Variants in SLC44A1 observed in about 807,000 individuals in gnomAD.
The protein encoded by SLC44A1 is solute carrier family 44 member 1.
Under a neutral mutation model 79.3 loss-of-function variants are expected in SLC44A1, and 26 were observed. The ratio of observed to expected loss-of-function variants is 0.33; its 90% CI spans 0.24 to 0.46. The LOEUF (loss-of-function observed/expected upper bound fraction) is 0.46. Ranked by LOEUF, SLC44A1 falls within the 20% of genes least tolerant of loss-of-function variation. SLC44A1 has a pLI of 1.00. For synonymous variants in SLC44A1, 263 were observed against 286.2 expected (o/e 0.92, Z 0.82); for missense variants, 688 against 798.1 (o/e 0.86, Z 1.66).
chr9:105,248,074 A>G (rs1829499918), intron 1 of SLC44A1, among the ~76,000 whole-genome samples: 1 of 152,208 alleles, frequency 6.6e-6, no homozygotes, highest in Non-Finnish European at 1.5e-5. Flanking sequence ...CTTGTCTGCA[A>G]ACTCTAATGA....
At chr9:105,379,468 T>A (rs1828395159) in intron 13 of SLC44A1, among the ~76,000 whole-genome samples, 1 of 152,192 alleles carries the variant, frequency 6.6e-6, no homozygotes, top group African/African-American at 2.4e-5. Flanking sequence ...TTTTACAAGA[T>A]GTTATCATTG....
chr9:105,286,159 T>G (rs894503081), intron 1 of SLC44A1, among the ~76,000 whole-genome samples: 17 of 152,234 alleles, frequency 1.1e-4, no homozygotes, highest in African/African-American at 3.9e-4. Context: ...GTATTTTTAC[T>G]GCAATTCTTA....
intron 15 of SLC44A1, among the ~76,000 whole-genome samples, chr9:105,422,393 A>C (rs1014026453): frequency 1.3e-5 from 2 of 150,662 alleles, no homozygotes; most frequent in Non-Finnish European, 2.9e-5. Context: ...GGTTCAAGCA[A>C]TTCTCCTGCC....
At chr9:105,357,385 CTT>C (rs543072452) in intron 6 of SLC44A1, 207 of 152,184 alleles carry the variant, frequency 1.4e-3, no homozygotes, top group African/African-American at 4.8e-3. Flanking sequence ...ATAGTTAAAA[CTT>C]TAACCAAAAA....
chr9:105,426,479 G>T (rs1377262593), intron 15 of SLC44A1, among the ~76,000 whole-genome samples: 1 of 152,048 alleles, frequency 6.6e-6, no homozygotes, highest in Non-Finnish European at 1.5e-5. Flanking sequence ...CTATTTCTTT[G>T]CATCTACTTA....
intron 3 of SLC44A1, among the ~76,000 whole-genome samples, chr9:105,327,967 C>A (rs984267224): frequency 1.3e-5 from 2 of 151,980 alleles, no homozygotes; most frequent in Admixed American, 6.6e-5. Context: ...CTTATTTAGG[C>A]CTACACCTGG....
chr9:105,390,827 T>C lies in SLC44A1; in HGVS notation c.*1771T>C. Reference sequence around the variant, plus strand: ...TAAGAGCTCATGTCTTAGCAAGATCTGGGAAACCAACATTGCGAGAGTAGC... The same window carrying C: ...TAAGAGCTCATGTCTTAGCAAGATCCGGGAAACCAACATTGCGAGAGTAGC... On this transcript the variant is annotated 3_prime_UTR_variant, in exon 16 of 16. Coordinates refer to ENST00000374720, the MANE Select transcript of SLC44A1 (RefSeq NM_080546.5). 3 of 985,776 alleles carry C rather than the reference T, an allele frequency of 3.0e-6. No individual in the cohort carries two copies. The highest frequency in any genetic ancestry group is 3.6e-6 in the Non-Finnish European group (3 of 829,900). 61.1% of individuals were successfully genotyped at this position (985,776 alleles called of 1,614,324 possible).
chr9:105,396,326 AAAACTT>A lies in SLC44A1; in HGVS notation c.*7271_*7276del. Reference sequence around the variant, plus strand: ...TTAACTGATTTTATTACAGGAGAAAAAAACTTTAACAAAAAGGCAGGGAGAAAAGTG... The same window carrying A: ...TTAACTGATTTTATTACAGGAGAAAATAACAAAAAGGCAGGGAGAAAAGTG... On this transcript the variant is annotated 3_prime_UTR_variant, in exon 16 of 16. Coordinates refer to ENST00000374720, the MANE Select transcript of SLC44A1 (RefSeq NM_080546.5). The A allele has an allele frequency of 1.0e-6, 1 of 985,396 alleles. No individual in the cohort carries two copies. Among genetic ancestry groups the A allele is most frequent in the Non-Finnish European group, 1.2e-6 (1 of 829,896 alleles). The allele number at this position is 985,396 out of a possible 1,614,324, so 61.0% of individuals were successfully genotyped here. A position where few individuals can be genotyped will look rare whatever the true frequency, so the allele number is the denominator to read the frequency against.
intron 3 of SLC44A1, among the ~76,000 whole-genome samples, chr9:105,333,140 C>T (rs1331528267): frequency 2.0e-5 from 3 of 152,164 alleles, no homozygotes; most frequent in Non-Finnish European, 4.4e-5. Flanking sequence ...GATACTTTTG[C>T]CCTTGGAGGA....
chr9:105,290,546 T>C (rs1307932392), intron 1 of SLC44A1, among the ~76,000 whole-genome samples: 1 of 152,244 alleles, frequency 6.6e-6, no homozygotes, highest in Non-Finnish European at 1.5e-5. Flanking sequence ...AAATATGTTA[T>C]TAGCTATGTT....
chr9:105,348,319 A>G (rs1421389591), intron 4 of SLC44A1, 39 bp from the exon 5 acceptor site: 2 of 1,097,358 alleles, frequency 1.8e-6, no homozygotes, highest in Non-Finnish European at 1.4e-6. Context: ...GAATTTTTTC[A>G]GACTGTTCTG....
intron 15 of SLC44A1, among the ~76,000 whole-genome samples, chr9:105,417,354 G>T (rs988584707): frequency 1.3e-5 from 2 of 152,142 alleles, no homozygotes; most frequent in African/African-American, 4.8e-5. Context: ...ACATGATCAG[G>T]ACCTTCCCTC....
At position 105,438,346 on chromosome 9, in the gene SLC44A1, G is replaced by C. The variant is rs1588884767; in HGVS notation, c.*51G>C. 6.1e-6 allele frequency: 9 copies of C among 1,477,106 alleles called. No homozygotes were observed. In the East Asian group the frequency reaches 2.2e-4, roughly 36 times the overall value. The allele number at this position is 1,477,106 out of a possible 1,614,324, so 91.5% of individuals were successfully genotyped here. A position where few individuals can be genotyped will look rare whatever the true frequency, so the allele number is the denominator to read the frequency against. On this transcript the variant is annotated 3_prime_UTR_variant, in exon 16 of 16. Transcript: ENST00000374724. ...AACTCAGAGGAGGTTGTTTACATGA[G>C]GTTCTCCCACTCACCAGCTGTTGAG...
intron 12 of SLC44A1, among the ~76,000 whole-genome samples, chr9:105,368,935 G>A (rs1372629762): frequency 6.6e-6 from 1 of 152,122 alleles, no homozygotes; most frequent in African/African-American, 2.4e-5. Context: ...CTACTCCGGA[G>A]GCCGAGGCAG....
chr9:105,312,825 T>C (rs1341017100), intron 3 of SLC44A1, among the ~76,000 whole-genome samples: 3 of 152,110 alleles, frequency 2.0e-5, no homozygotes, highest in African/African-American at 4.8e-5. Context: ...TGCTAGCGTA[T>C]CTATTCTTGG....
intron 1 of SLC44A1, among the ~76,000 whole-genome samples, chr9:105,277,067 G>A (rs896005772): frequency 1.3e-5 from 2 of 152,216 alleles, no homozygotes; most frequent in Admixed American, 6.5e-5. Flanking sequence ...AGAACTGATA[G>A]GACGTGGTCA....
At chr9:105,317,257 A>G (rs1471906832) in intron 3 of SLC44A1, among the ~76,000 whole-genome samples, 1 of 152,130 alleles carries the variant, frequency 6.6e-6, no homozygotes, top group African/African-American at 2.4e-5. Flanking sequence ...TTAGGGCAGC[A>G]TCTTGGTTGC....
At chr9:105,377,175 G>A (rs886823441) in intron 13 of SLC44A1, among the ~76,000 whole-genome samples, 1 of 152,080 alleles carries the variant, frequency 6.6e-6, no homozygotes, top group Non-Finnish European at 1.5e-5. Flanking sequence ...GGGAATAATA[G>A]TCAATAGACT....
chr9:105,253,003 A>G (rs1312877525), intron 1 of SLC44A1, among the ~76,000 whole-genome samples: 2 of 152,322 alleles, frequency 1.3e-5, no homozygotes, highest in Admixed American at 6.5e-5. Context: ...CTCCTTTGTA[A>G]TTGTATAATA....
Sources: gnomAD v4.1 joint callset for allele counts (sites outside exome capture counted in the v4.1 genomes callset) on GRCh38, gnomAD v4.1.1 for gene constraint, MANE v1.5 for transcripts, NCBI Gene and HGNC (gene_info 2026-07-23, HGNC 2026-07-21) for gene names.